Variants in PDE8B observed in about 807,000 individuals in gnomAD.
PDE8B encodes phosphodiesterase 8B, also known as high affinity cAMP-specific and IBMX-insensitive 3',5'-cyclic phosphodiesterase 8B.
PDE8B carries 26 observed loss-of-function variants against 101.3 expected under a neutral mutation model. The ratio of observed to expected loss-of-function variants is 0.26; its 90% CI spans 0.19 to 0.36. PDE8B has a LOEUF of 0.36. Ranked by LOEUF, PDE8B falls within the 10% of genes least tolerant of loss-of-function variation. The pLI is 1.00. For missense variants in PDE8B, 810 were observed against 1,163.1 expected (o/e 0.70, Z 4.42); for synonymous variants, 424 against 429.3 (o/e 0.99, Z 0.15).
At chr5:77,098,808 G>C in the PDE8B span, 4 of 152,088 alleles carry the variant, frequency 2.6e-5, no homozygotes, top group East Asian at 7.7e-4. Context: ...AATGAGAGAG[G>C]GAGAGGGAGA....
intron 17 of PDE8B, among the ~76,000 whole-genome samples, chr5:77,415,705 C>G (rs1293541883): frequency 1.3e-5 from 2 of 152,144 alleles, no homozygotes; most frequent in African/African-American, 2.4e-5. Flanking sequence ...CCCAACCCAG[C>G]TGTAGAGCTA....
rs1004109647 is a variant in PDE8B, at chr5:77,419,261, G to GT, written c.2130-504dup. On this transcript the variant is annotated intron_variant, in intron 18 of 21. Coordinates refer to ENST00000264917, the MANE Select transcript of PDE8B (RefSeq NM_003719.5). ...AATTGGATGGTTAATTTGGGGCAGG[G>GT]TTGTTGCTTCATTCATTACAATTTC... Among the ~76,000 whole-genome samples the GT allele has an allele frequency of 2.6e-5, 4 of 152,286 alleles. No individual in the cohort carries two copies. In the South Asian group the frequency reaches 6.2e-4, roughly 24 times the overall value.
At chr5:77,248,852 T>C (rs1378968314) in intron 1 of PDE8B, among the ~76,000 whole-genome samples, 2 of 152,158 alleles carry the variant, frequency 1.3e-5, no homozygotes, top group African/African-American at 4.8e-5. Flanking sequence ...TCCAACAGGA[T>C]TAGTATCCCT....
intron 1 of PDE8B, among the ~76,000 whole-genome samples, chr5:77,310,613 G>A (rs1561507598): frequency 6.6e-6 from 1 of 152,230 alleles, no homozygotes; most frequent in African/African-American, 2.4e-5. Flanking sequence ...ATTGTGCCAG[G>A]CCTGCTGAGT....
the PDE8B span, among the ~76,000 whole-genome samples, chr5:77,138,448 C>T: frequency 6.6e-6 from 1 of 152,178 alleles, no homozygotes; most frequent in Admixed American, 6.5e-5. Flanking sequence ...GATGATCCGC[C>T]TGGAAGCCCT....
chr5:77,251,166 T>C (rs1226480486), intron 1 of PDE8B, among the ~76,000 whole-genome samples: 4 of 152,216 alleles, frequency 2.6e-5, no homozygotes, highest in East Asian at 1.9e-4. Flanking sequence ...ATCTGTAAAA[T>C]GAAAATGGTA....
chr5:77,409,882 G>A (rs934486623), intron 14 of PDE8B, among the ~76,000 whole-genome samples: 3 of 152,252 alleles, frequency 2.0e-5, no homozygotes, highest in African/African-American at 7.2e-5. Flanking sequence ...TCTCCACCTG[G>A]AACTTGAGGG....
intron 1 of PDE8B, among the ~76,000 whole-genome samples, chr5:77,212,754 T>TC (rs991752796): frequency 6.6e-6 from 1 of 152,096 alleles, no homozygotes; most frequent in Non-Finnish European, 1.5e-5. Flanking sequence ...TCTCTCTCTC[T>TC]CCCCCTCCCT....
intron 1 of PDE8B, among the ~76,000 whole-genome samples, chr5:77,289,062 G>A (rs189249725): frequency 3.3e-5 from 5 of 152,110 alleles, no homozygotes; most frequent in African/African-American, 1.2e-4. Flanking sequence ...CATTGCCACT[G>A]ACATCTTGCC....
chr5:77,162,133 C>T, the PDE8B span, among the ~76,000 whole-genome samples: 37 of 151,516 alleles, frequency 2.4e-4, no homozygotes, highest in East Asian at 3.9e-4. Flanking sequence ...TTCTATGTAT[C>T]GCCACAAAAA....
intron 1 of PDE8B, among the ~76,000 whole-genome samples, chr5:77,270,323 C>T (rs1478936325): frequency 6.6e-6 from 1 of 152,194 alleles, no homozygotes; most frequent in Non-Finnish European, 1.5e-5. Context: ...TGTAACTTTA[C>T]TGAATATGTT....
chr5:77,096,602 C>T, the PDE8B span, among the ~76,000 whole-genome samples: 1 of 152,324 alleles, frequency 6.6e-6, no homozygotes. Flanking sequence ...GAGGGTAGGG[C>T]TCTCATGACT....
chr5:77,390,095 T>C (rs990129863), intron 10 of PDE8B, among the ~76,000 whole-genome samples: 1 of 152,188 alleles, frequency 6.6e-6, no homozygotes, highest in Admixed American at 6.5e-5. Flanking sequence ...TGACAAAACT[T>C]CTTTTTAATT....
chr5:77,344,975 C>A (rs767831002), intron 7 of PDE8B, 44 bp downstream of exon 7: 1 of 1,313,928 alleles, frequency 7.6e-7, no homozygotes, highest in Non-Finnish European at 1.1e-6. Flanking sequence ...CAAAATGAAC[C>A]TTTCAGGTTT....
At chr5:77,417,866 T>C (rs1481731342) in intron 17 of PDE8B, among the ~76,000 whole-genome samples, 1 of 152,184 alleles carries the variant, frequency 6.6e-6, no homozygotes, top group Non-Finnish European at 1.5e-5. Context: ...TCAAAATCTT[T>C]TCAGAGCTAG....
chr5:77,350,502 G>A (rs1313124008), intron 8 of PDE8B, among the ~76,000 whole-genome samples: 2 of 152,058 alleles, frequency 1.3e-5, no homozygotes, highest in Non-Finnish European at 2.9e-5. Context: ...CAGAGAACAG[G>A]AACCAATACT....
At chr5:77,365,385 A>G (rs1783932357) in intron 10 of PDE8B, among the ~76,000 whole-genome samples, 1 of 152,092 alleles carries the variant, frequency 6.6e-6, no homozygotes, top group Non-Finnish European at 1.5e-5. Flanking sequence ...TTCCTGCTGG[A>G]TGTCTTGGAG....
the PDE8B span, among the ~76,000 whole-genome samples, chr5:77,153,814 A>G: frequency 1.3e-5 from 2 of 152,124 alleles, no homozygotes; most frequent in African/African-American, 4.8e-5. Context: ...ACCTCAAGTG[A>G]TCCACCTGCC....
chr5:77,149,268 G>C, the PDE8B span, among the ~76,000 whole-genome samples: 1 of 152,162 alleles, frequency 6.6e-6, no homozygotes, highest in East Asian at 1.9e-4. Flanking sequence ...GTGTATTCAT[G>C]TGGCTTTGTA....
Sources: gnomAD v4.1 joint callset for allele counts (sites outside exome capture counted in the v4.1 genomes callset) on GRCh38, gnomAD v4.1.1 for gene constraint, MANE v1.5 for transcripts, NCBI Gene and HGNC (gene_info 2026-07-23, HGNC 2026-07-21) for gene names.